The following GMDS variants were observed in gnomAD, a reference collection of about 807,000 sequenced individuals.
The protein encoded by GMDS is GDP-mannose 4,6 dehydratase.
A neutral mutation model predicts 49.9 loss-of-function variants in GMDS; 20 were observed. That is an observed-to-expected ratio of 0.40 (90% CI 0.28 to 0.58). The LOEUF (loss-of-function observed/expected upper bound fraction) is 0.58, where lower values mean the gene tolerates loss of function less well. Among genes scored for constraint, GMDS ranks in the 20% least tolerant of loss-of-function variants. The probability of loss-of-function intolerance (pLI) is 0.42; values close to 1 mark genes in which losing one functional copy is unlikely to be tolerated. For missense variants in GMDS, 362 were observed against 481.4 expected (o/e 0.75, Z 2.32); for synonymous variants, 177 against 178.6 (o/e 0.99, Z 0.07).
At chr6:2,069,194 T>A (rs1309912819) in intron 4 of GMDS, among the ~76,000 whole-genome samples, 1 of 152,176 alleles carries the variant, frequency 6.6e-6, no homozygotes, top group Non-Finnish European at 1.5e-5. Context: ...TAAATGGTGC[T>A]GGGAAAACTG....
intron 7 of GMDS, 23 bp downstream of exon 7, chr6:1,930,080 G>A (rs770589683): frequency 5.7e-6 from 9 of 1,589,758 alleles, no homozygotes; most frequent in Non-Finnish European, 6.9e-6. Flanking sequence ...GTATTTTCAA[G>A]AATGTAATGT....
intron 7 of GMDS, among the ~76,000 whole-genome samples, chr6:1,781,386 G>C (rs1468858024): frequency 6.6e-6 from 1 of 152,212 alleles, no homozygotes; most frequent in Non-Finnish European, 1.5e-5. Context: ...GCTTACTCTC[G>C]CTGGCGTGGG....
At chr6:1,984,235 G>T (rs567134225) in intron 4 of GMDS, among the ~76,000 whole-genome samples, 28 of 152,182 alleles carry the variant, frequency 1.8e-4, no homozygotes, top group Admixed American at 1.8e-3. Context: ...TGGAGAATGA[G>T]AGGAGGGAGA....
At chr6:2,050,504 G>C (rs1321819083) in intron 4 of GMDS, among the ~76,000 whole-genome samples, 2 of 152,186 alleles carry the variant, frequency 1.3e-5, no homozygotes, top group South Asian at 2.1e-4. Flanking sequence ...TAGAAAAAGA[G>C]GGAATCCTCC....
In GMDS at chr6:1,833,953, T is replaced by C. The variant is rs1174224871; in HGVS notation, c.772-91367A>G. ...AATCCATAGAACAACTCTAATATTCTTACTCACTCAAAAATGAAGACATGT... is the reference window on the plus strand; with the variant it reads ...AATCCATAGAACAACTCTAATATTCCTACTCACTCAAAAATGAAGACATGT... On this transcript the variant is annotated intron_variant, in intron 7 of 10. Transcript: ENST00000380815. This position sits in a 1 kb window ranked among gnomAD's most constrained non-coding sequence, Gnocchi z 4.4. 6.6e-6 allele frequency among the ~76,000 whole-genome samples: 1 copy of C among 152,202 alleles called. No homozygotes were observed. The highest frequency in any genetic ancestry group is 1.5e-5 in the Non-Finnish European group (1 of 68,042).
At chr6:1,628,673 T>A (rs1354398598) in intron 9 of GMDS, among the ~76,000 whole-genome samples, 1 of 152,210 alleles carries the variant, frequency 6.6e-6, no homozygotes, top group African/African-American at 2.4e-5. Flanking sequence ...GAGTATGAGA[T>A]CTTTTGGCAG....
At chr6:2,230,769 G>A (rs1480089026) in intron 1 of GMDS, among the ~76,000 whole-genome samples, 3 of 151,728 alleles carry the variant, frequency 2.0e-5, no homozygotes, top group African/African-American at 7.3e-5. Context: ...TTCAATACTT[G>A]GTCAACTCTT....
At chr6:1,760,658 G>T (rs978551898) in intron 7 of GMDS, among the ~76,000 whole-genome samples, 1 of 152,202 alleles carries the variant, frequency 6.6e-6, no homozygotes, top group Non-Finnish European at 1.5e-5. Flanking sequence ...TATGCAACTT[G>T]TTGGTTAAAA....
chr6:1,836,746 CCCTT>C lies in GMDS; in HGVS notation c.771+93353_771+93356del, dbSNP rs1756947030. Among the ~76,000 whole-genome samples, 2 of 152,200 alleles carry C rather than the reference CCCTT, an allele frequency of 1.3e-5. No individual in the cohort carries two copies. The highest frequency in any genetic ancestry group is 4.1e-4 in the South Asian group (2 of 4,830). On this transcript the variant is annotated intron_variant, in intron 7 of 10. Coordinates refer to ENST00000380815, the MANE Select transcript of GMDS (RefSeq NM_001500.4). The surrounding 1 kb of genome is among the most constrained non-coding windows in gnomAD (Gnocchi z 4.2). ...ATAAAACTCTATGGACTCTGGCAAA[CCCTT>C]CATTCTTTTGCAGCCAAGCTCTCAT...
At chr6:1,670,679 T>C (rs1764392708) in intron 9 of GMDS, among the ~76,000 whole-genome samples, 1 of 152,232 alleles carries the variant, frequency 6.6e-6, no homozygotes, top group South Asian at 2.1e-4. Flanking sequence ...AAATATATTC[T>C]TCCTAAGGTA....
At chr6:2,061,413 T>A (rs1184606510) in intron 4 of GMDS, among the ~76,000 whole-genome samples, 1 of 151,948 alleles carries the variant, frequency 6.6e-6, no homozygotes, top group African/African-American at 2.4e-5. Flanking sequence ...TGTATGAAAA[T>A]CAGTATTAAA....
At chr6:1,765,915 TTC>T (rs1046965759) in intron 7 of GMDS, among the ~76,000 whole-genome samples, 1 of 152,188 alleles carries the variant, frequency 6.6e-6, no homozygotes, top group African/African-American at 2.4e-5. Flanking sequence ...CCCAGGACTC[TTC>T]TCTCTGTCCT....
chr6:1,971,347 A>G (rs1481978526), intron 4 of GMDS, among the ~76,000 whole-genome samples: 1 of 151,904 alleles, frequency 6.6e-6, no homozygotes, highest in Non-Finnish European at 1.5e-5. Context: ...CACACTCATA[A>G]CCCCAATTTT....
intron 8 of GMDS, 53 bp from the exon 9 acceptor site, chr6:1,726,565 C>G: frequency 7.3e-7 from 1 of 1,361,714 alleles, no homozygotes; most frequent in African/African-American, 1.4e-5. Flanking sequence ...GAACATTTGG[C>G]CATGCTGTAG....
intron 9 of GMDS, among the ~76,000 whole-genome samples, chr6:1,659,724 A>C (rs145337240): frequency 1.1e-3 from 168 of 152,326 alleles, no homozygotes; most frequent in Middle Eastern, 6.8e-3. Context: ...CACCCTGACC[A>C]TGTATCATAA....
At chr6:1,797,713 G>A (rs1561811115) in intron 7 of GMDS, among the ~76,000 whole-genome samples, 1 of 152,134 alleles carries the variant, frequency 6.6e-6, no homozygotes, top group Non-Finnish European at 1.5e-5. Flanking sequence ...TCACAGCTAG[G>A]ATGTGTGGCA....
chr6:1,700,571 C>T (rs759561810), intron 9 of GMDS, among the ~76,000 whole-genome samples: 9 of 152,210 alleles, frequency 5.9e-5, no homozygotes, highest in Admixed American at 3.9e-4. Context: ...TGCACGGCCA[C>T]ATTTTAAATT....
chr6:2,072,897 C>A (rs780440618), intron 4 of GMDS, among the ~76,000 whole-genome samples: 9 of 152,200 alleles, frequency 5.9e-5, no homozygotes, highest in Non-Finnish European at 1.2e-4. Context: ...TTGTGAATTT[C>A]TATTTGCTTA....
chr6:2,191,799 C>T lies in GMDS; in HGVS notation c.102+53522G>A, dbSNP rs1342549875. On this transcript the variant is annotated intron_variant, in intron 1 of 10. Coordinates refer to ENST00000380815, the MANE Select transcript of GMDS (RefSeq NM_001500.4). The surrounding 1 kb of genome is among the most constrained non-coding windows in gnomAD (Gnocchi z 4.6). ...GCAGCCTGGGTACCACAGACCATGG[C>T]AGGAAGCAGACAGGCTCCGGGGTGG... 6.6e-6 allele frequency among the ~76,000 whole-genome samples: 1 copy of T among 152,182 alleles called. No homozygotes were observed. Among genetic ancestry groups the T allele is most frequent in the Non-Finnish European group, 1.5e-5 (1 of 68,028 alleles).
Sources: gnomAD v4.1 joint callset for allele counts (sites outside exome capture counted in the v4.1 genomes callset) on GRCh38, gnomAD v4.1.1 for gene constraint, Gnocchi (gnomAD v3.1) non-coding constraint, MANE v1.5 for transcripts, NCBI Gene and HGNC (gene_info 2026-07-23, HGNC 2026-07-21) for gene names.